The following TMEM161B variants were observed in gnomAD, a reference collection of about 807,000 sequenced individuals.
The protein encoded by TMEM161B is transmembrane protein 161B.
TMEM161B carries 34 observed loss-of-function variants against 61.8 expected under a neutral mutation model. The ratio of observed to expected loss-of-function variants is 0.55; its 90% CI spans 0.42 to 0.73. The LOEUF (loss-of-function observed/expected upper bound fraction) is 0.73, where lower values mean the gene tolerates loss of function less well. Ranked by LOEUF, TMEM161B falls within the 30% of genes least tolerant of loss-of-function variation. The probability of loss-of-function intolerance (pLI) is 0.00; values close to 1 mark genes in which losing one functional copy is unlikely to be tolerated. For synonymous variants in TMEM161B, 167 were observed against 192.8 expected (o/e 0.87, Z 1.11); for missense variants, 456 against 558.5 (o/e 0.82, Z 1.85).
intron 4 of TMEM161B, among the ~76,000 whole-genome samples, chr5:88,224,839 A>T (rs1387352127): frequency 6.6e-6 from 1 of 151,978 alleles, no homozygotes; most frequent in South Asian, 2.1e-4. Context: ...ATGATGATCC[A>T]CTTCCACTTA....
At position 88,196,172 on chromosome 5, in the gene TMEM161B, TA is replaced by T; in HGVS notation, c.*38del. 14 of 1,558,452 alleles carry T rather than the reference TA, an allele frequency of 9.0e-6. No individual in the cohort carries two copies. The highest frequency in any genetic ancestry group is 1.2e-5 in the Non-Finnish European group (14 of 1,157,902). On this transcript the variant is annotated 3_prime_UTR_variant, in exon 12 of 12. Transcript: ENST00000296595. ...CTTTAAGGGCACAGATATTTTAATT[TA>T]AAGGGTGATTTGGATATGCTTTTTT...
intron 1 of TMEM161B, among the ~76,000 whole-genome samples, chr5:88,260,803 T>C (rs1405421296): frequency 6.6e-6 from 1 of 152,218 alleles, no homozygotes; most frequent in African/African-American, 2.4e-5. Flanking sequence ...TTAAGAATTT[T>C]TTTAATTGAA....
chr5:88,254,775 G>A (rs1561422204), intron 1 of TMEM161B, among the ~76,000 whole-genome samples: 1 of 151,824 alleles, frequency 6.6e-6, no homozygotes, highest in Admixed American at 6.6e-5. Context: ...CCAGTAGGTT[G>A]AGACTGCAGT....
At chr5:88,191,091 C>T (rs1262722142), downstream of TMEM161B, among the ~76,000 whole-genome samples, 13 of 152,180 alleles carry the variant, frequency 8.5e-5, no homozygotes, top group Admixed American at 7.9e-4. Context: ...TCTTCCTTGT[C>T]CATTTCCATG....
At chr5:88,223,396 C>T (rs187065096) in intron 4 of TMEM161B, among the ~76,000 whole-genome samples, 67 of 152,072 alleles carry the variant, frequency 4.4e-4, no homozygotes, top group African/African-American at 1.6e-3. Flanking sequence ...AATGTCAAAA[C>T]TACTAAAAAT....
chr5:88,241,283 G>C (rs1752702210), intron 1 of TMEM161B, among the ~76,000 whole-genome samples: 1 of 151,816 alleles, frequency 6.6e-6, no homozygotes, highest in African/African-American at 2.4e-5. Context: ...AGGGACTTGA[G>C]CATCCTCAGA....
At chr5:88,227,218 TAG>T (rs2112571187) in intron 3 of TMEM161B, among the ~76,000 whole-genome samples, 1 of 152,108 alleles carries the variant, frequency 6.6e-6, no homozygotes, top group East Asian at 1.9e-4. Flanking sequence ...ATGTTGAACA[TAG>T]TAGCTATAAA....
chr5:88,263,480 G>C (rs1580750159), intron 1 of TMEM161B, among the ~76,000 whole-genome samples: 1 of 152,228 alleles, frequency 6.6e-6, no homozygotes, highest in East Asian at 1.9e-4. Context: ...TCATTTCAAA[G>C]CCAAAAGAAT....
chr5:88,229,397 T>C (rs1750597366), intron 2 of TMEM161B, among the ~76,000 whole-genome samples: 1 of 152,120 alleles, frequency 6.6e-6, no homozygotes, highest in East Asian at 1.9e-4. Flanking sequence ...TCTGAACATC[T>C]GACTACTGCA....
downstream of TMEM161B, among the ~76,000 whole-genome samples, chr5:88,194,055 C>T (rs1749261855): frequency 6.6e-6 from 1 of 152,088 alleles, no homozygotes; most frequent in African/African-American, 2.4e-5. Context: ...GGGTGTATTG[C>T]ACAATGCTGA....
intron 1 of TMEM161B, among the ~76,000 whole-genome samples, chr5:88,249,370 C>T (rs368447791): frequency 4.8e-4 from 73 of 152,300 alleles, no homozygotes; most frequent in African/African-American, 1.7e-3. Flanking sequence ...GAGCCTAGCA[C>T]AGTCATTTTT....
At chr5:88,247,761 A>T (rs1483919923) in intron 1 of TMEM161B, among the ~76,000 whole-genome samples, 1 of 152,108 alleles carries the variant, frequency 6.6e-6, no homozygotes, top group African/African-American at 2.4e-5. Flanking sequence ...AACAACAAAC[A>T]TCACTCAACT....
rs1749577917 is a variant in TMEM161B, at chr5:88,196,098, A to G, written c.*113T>C. The G allele has an allele frequency of 6.9e-7, 1 of 1,456,762 alleles. No homozygotes were observed. The highest frequency in any genetic ancestry group is 9.0e-7 in the Non-Finnish European group (1 of 1,107,180). 90.2% of individuals were successfully genotyped at this position (1,456,762 alleles called of 1,614,324 possible). A position where few individuals can be genotyped will look rare whatever the true frequency, so the allele number is the denominator to read the frequency against. On this transcript the variant is annotated 3_prime_UTR_variant, in exon 12 of 12. Transcript: ENST00000296595. ...AACATTTAATACAAGACATTCTGATATGTTTTTTTTTTCCCATTGTATTTG... is the reference window on the plus strand; with the variant it reads ...AACATTTAATACAAGACATTCTGATGTGTTTTTTTTTTCCCATTGTATTTG...
At chr5:88,225,160 G>T (rs1329385050) in intron 4 of TMEM161B, among the ~76,000 whole-genome samples, 1 of 151,536 alleles carries the variant, frequency 6.6e-6, no homozygotes, top group Non-Finnish European at 1.5e-5. Flanking sequence ...GTAGAGACGG[G>T]GTTTCACCAC....
At chr5:88,215,196 G>A (rs1249038100) in intron 5 of TMEM161B, among the ~76,000 whole-genome samples, 3 of 152,134 alleles carry the variant, frequency 2.0e-5, no homozygotes, top group African/African-American at 7.2e-5. Flanking sequence ...AATTAACTGA[G>A]GTATGTATGA....
At chr5:88,206,922 AAATTT>A (rs1469722935) in intron 6 of TMEM161B, 102 bp downstream of exon 6, 7 of 957,702 alleles carry the variant, frequency 7.3e-6, no homozygotes, top group South Asian at 1.7e-5. Context: ...TATACACTTT[AAATTT>A]AATTTTAGAT....
At chr5:88,262,176 ATCATG>A (rs145513327) in intron 1 of TMEM161B, among the ~76,000 whole-genome samples, 1,808 of 152,334 alleles carry the variant, frequency 0.012, 21 homozygotes, top group African/African-American at 0.04. Context: ...GATGTTCCAC[ATCATG>A]TCATTAGGAA....
At chr5:88,226,787 T>C (rs562057439) in intron 3 of TMEM161B, among the ~76,000 whole-genome samples, 1 of 152,230 alleles carries the variant, frequency 6.6e-6, no homozygotes, top group South Asian at 2.1e-4. Context: ...TATTAAAAAT[T>C]ACTGCAGAAC....
chr5:88,263,911 A>G (rs1007007403), intron 1 of TMEM161B, among the ~76,000 whole-genome samples: 2 of 152,218 alleles, frequency 1.3e-5, no homozygotes, highest in Non-Finnish European at 2.9e-5. Flanking sequence ...CAGTCAGAAG[A>G]AAATAAAGTC....
Sources: allele counts gnomAD v4.1 joint callset (sites outside exome capture counted in the v4.1 genomes callset), GRCh38; gene constraint gnomAD v4.1.1; transcripts MANE v1.5; gene names NCBI Gene and HGNC (gene_info 2026-07-23, HGNC 2026-07-21).